Variants in CERS6 observed in about 807,000 individuals in gnomAD.
The protein encoded by CERS6 is LAG1 homolog, ceramide synthase 6.
A neutral mutation model predicts 56.8 loss-of-function variants in CERS6; 26 were observed. That is an observed-to-expected ratio of 0.46 (90% confidence interval 0.34 to 0.63). CERS6 has a LOEUF of 0.63. CERS6 is among the 30% of genes least tolerant of loss of function. CERS6 has a pLI of 0.01. For missense variants in CERS6, 415 were observed against 467.5 expected (o/e 0.89, Z 1.04); for synonymous variants, 164 against 173.3 (o/e 0.95, Z 0.42).
chr2:168,601,675 G>A (rs1001990709), intron 3 of CERS6, among the ~76,000 whole-genome samples: 17 of 151,612 alleles, frequency 1.1e-4, no homozygotes, highest in Admixed American at 8.5e-4. Context: ...TCAGCCTCTC[G>A]AGTACCTGGG....
intron 8 of CERS6, among the ~76,000 whole-genome samples, chr2:168,745,668 C>T (rs1574214533): frequency 6.6e-6 from 1 of 152,300 alleles, no homozygotes; most frequent in South Asian, 2.1e-4. Context: ...GTTTGTGTTA[C>T]AATTCAAACT....
chr2:168,579,072 A>G (rs1055833995), intron 3 of CERS6, among the ~76,000 whole-genome samples: 1 of 152,204 alleles, frequency 6.6e-6, no homozygotes, highest in African/African-American at 2.4e-5. Flanking sequence ...GAAAATTTTG[A>G]TTGCCCAAAA....
intron 3 of CERS6, among the ~76,000 whole-genome samples, chr2:168,604,742 C>G (rs978545911): frequency 6.6e-6 from 1 of 152,132 alleles, no homozygotes; most frequent in Admixed American, 6.5e-5. Flanking sequence ...GTGCCTGCTT[C>G]CCCTTTGCCT....
chr2:168,497,286 T>C (rs763521046), intron 1 of CERS6, among the ~76,000 whole-genome samples: 1 of 152,156 alleles, frequency 6.6e-6, no homozygotes, highest in Non-Finnish European at 1.5e-5. Context: ...TCAACAAATA[T>C]TGACTGAGCA....
intron 1 of CERS6, among the ~76,000 whole-genome samples, chr2:168,502,045 G>T (rs542306301): frequency 4.4e-4 from 67 of 151,914 alleles, no homozygotes; most frequent in African/African-American, 1.4e-3. Flanking sequence ...GTGAGAATTG[G>T]CCTGGAGGGG....
At chr2:168,768,835 G>A (rs760830236) in intron 9 of CERS6, among the ~76,000 whole-genome samples, 4 of 150,988 alleles carry the variant, frequency 2.6e-5, no homozygotes, top group Admixed American at 6.6e-5. Context: ...GAACCCAGGA[G>A]GCGGAGGTTG....
At chr2:168,609,947 C>G (rs956246028) in intron 3 of CERS6, among the ~76,000 whole-genome samples, 7 of 145,432 alleles carry the variant, frequency 4.8e-5, no homozygotes, top group Non-Finnish European at 1.1e-4. Context: ...TTGTCACAAG[C>G]TGGGAGTGAA....
At chr2:168,532,821 G>A (rs530246156) in intron 1 of CERS6, among the ~76,000 whole-genome samples, 6 of 152,138 alleles carry the variant, frequency 3.9e-5, no homozygotes, top group South Asian at 2.1e-4. Context: ...AACAAATACC[G>A]GTAACCTTTT....
At chr2:168,614,746 G>A (rs982944543) in intron 3 of CERS6, among the ~76,000 whole-genome samples, 2 of 152,092 alleles carry the variant, frequency 1.3e-5, no homozygotes, top group Non-Finnish European at 2.9e-5. Context: ...GAGCTCAGAC[G>A]TGCCTAGCCT....
intron 6 of CERS6, among the ~76,000 whole-genome samples, chr2:168,707,906 A>G (rs896786808): frequency 2.0e-5 from 3 of 152,182 alleles, no homozygotes; most frequent in Non-Finnish European, 2.9e-5. Flanking sequence ...AGAAACCACC[A>G]TAAGACAGGA....
At chr2:168,470,212 C>CAAA (rs752453936) in intron 1 of CERS6, among the ~76,000 whole-genome samples, 19,830 of 104,952 alleles carry the variant, frequency 0.19, 1,937 homozygotes, top group Non-Finnish European at 0.27. Context: ...CCAACTCTAC[C>CAAA]AAAAAAAAAA....
intron 4 of CERS6, among the ~76,000 whole-genome samples, chr2:168,663,718 A>G (rs1050932451): frequency 6.6e-6 from 1 of 152,158 alleles, no homozygotes; most frequent in Non-Finnish European, 1.5e-5. Context: ...CATAAAAAAC[A>G]TTATGTAGAT....
At chr2:168,708,910 A>G (rs2105381312) in intron 6 of CERS6, among the ~76,000 whole-genome samples, 1 of 152,232 alleles carries the variant, frequency 6.6e-6, no homozygotes, top group Middle Eastern at 3.4e-3. Context: ...CTGTTTATGT[A>G]TGTGTATGTA....
intron 4 of CERS6, among the ~76,000 whole-genome samples, chr2:168,675,112 T>G (rs1393230953): frequency 6.6e-6 from 1 of 152,038 alleles, no homozygotes; most frequent in Non-Finnish European, 1.5e-5. Context: ...TAGTTGGGAC[T>G]ACAGGCGCAC....
At chr2:168,740,165 A>AT (rs1273212889) in intron 8 of CERS6, among the ~76,000 whole-genome samples, 1 of 152,092 alleles carries the variant, frequency 6.6e-6, no homozygotes, top group Non-Finnish European at 1.5e-5. Context: ...AATTCCATGG[A>AT]TTTTTTCATT....
In CERS6 at chr2:168,578,249, C is replaced by T. The variant is rs1683326987; in HGVS notation, c.407+16927C>T. Among the ~76,000 whole-genome samples the T allele has an allele frequency of 2.0e-5, 3 of 151,510 alleles. No homozygotes were observed. The East Asian group carries it at 5.8e-4, about 29-fold the overall frequency. ...AAGTCTCTTATGTCCCTCAGTCAGTCTGTAGCTTTTGAAGATACTGAGGAT... is the reference window on the plus strand; with the variant it reads ...AAGTCTCTTATGTCCCTCAGTCAGTTTGTAGCTTTTGAAGATACTGAGGAT... On this transcript the variant is annotated intron_variant, in intron 3 of 9. Coordinates refer to ENST00000305747, the MANE Select transcript of CERS6 (RefSeq NM_203463.3).
chr2:168,478,368 C>T (rs1030252249), intron 1 of CERS6, among the ~76,000 whole-genome samples: 4 of 152,118 alleles, frequency 2.6e-5, no homozygotes, highest in African/African-American at 9.7e-5. Flanking sequence ...CACCTGGTTT[C>T]GGGGACCCAA....
intron 8 of CERS6, among the ~76,000 whole-genome samples, chr2:168,721,977 G>A (rs1416206689): frequency 6.6e-6 from 1 of 152,102 alleles, no homozygotes; most frequent in African/African-American, 2.4e-5. Flanking sequence ...CAATGTATGA[G>A]AGTTCTACTT....
At chr2:168,728,238 C>G (rs1157995557) in intron 8 of CERS6, among the ~76,000 whole-genome samples, 2 of 152,076 alleles carry the variant, frequency 1.3e-5, no homozygotes, top group Non-Finnish European at 2.9e-5. Context: ...GCAGAAGAGA[C>G]TTGCCAACTC....
Sources: gnomAD v4.1 joint callset for allele counts (sites outside exome capture counted in the v4.1 genomes callset) on GRCh38, gnomAD v4.1.1 for gene constraint, MANE v1.5 for transcripts, NCBI Gene and HGNC (gene_info 2026-07-23, HGNC 2026-07-21) for gene names.